The following ERC2 variants were observed in gnomAD, a reference collection of about 807,000 sequenced individuals.
ERC2 encodes the protein ELKS/RAB6-interacting/CAST family member 2, also known as ERC protein 2.
ERC2 carries 42 observed loss-of-function variants against 114.8 expected under a neutral mutation model. The observed-to-expected ratio is 0.37, with a 90% confidence interval of 0.29 to 0.47. The LOEUF is 0.47. Among genes scored for constraint, ERC2 ranks in the 20% least tolerant of loss-of-function variants. The pLI is 0.99. For synonymous variants in ERC2, 454 were observed against 425.5 expected (o/e 1.07, Z -0.82); for missense variants, 939 against 1,150.7 (o/e 0.82, Z 2.66).
intron 3 of ERC2, among the ~76,000 whole-genome samples, chr3:56,210,261 G>A (rs1049815200): frequency 1.6e-4 from 25 of 151,842 alleles, no homozygotes; most frequent in Non-Finnish European, 2.5e-4. Flanking sequence ...TATTATCCAC[G>A]GGAAAAACAA....
chr3:55,870,969 C>T (rs140668136), intron 14 of ERC2, among the ~76,000 whole-genome samples: 134 of 152,250 alleles, frequency 8.8e-4, no homozygotes, highest in African/African-American at 2.9e-3. Flanking sequence ...CCAGCTGTTA[C>T]GGCATTTTGA....
At chr3:55,690,337 A>G (rs2062575039) in intron 16 of ERC2, among the ~76,000 whole-genome samples, 1 of 152,188 alleles carries the variant, frequency 6.6e-6, no homozygotes. Context: ...ATAGAAAAAA[A>G]GAGAGGCAAT....
chr3:56,414,650 G>A (rs770941300), intron 2 of ERC2, among the ~76,000 whole-genome samples: 2 of 151,752 alleles, frequency 1.3e-5, no homozygotes, highest in Non-Finnish European at 2.9e-5. Flanking sequence ...GCTTGAACCT[G>A]GGTGGCGGAG....
intron 13 of ERC2, among the ~76,000 whole-genome samples, chr3:55,906,883 T>C (rs2064487744): frequency 6.6e-6 from 1 of 152,220 alleles, no homozygotes; most frequent in Non-Finnish European, 1.5e-5. Context: ...CTCATTTCTA[T>C]TCAATCAGAG....
intron 12 of ERC2, among the ~76,000 whole-genome samples, chr3:55,974,572 T>C (rs1299130439): frequency 6.6e-6 from 1 of 152,188 alleles, no homozygotes; most frequent in Non-Finnish European, 1.5e-5. Context: ...ATACATCTTT[T>C]CTCTTGGCTG....
At chr3:56,446,571 ACAAGGAAGT>A (rs1194590276) in intron 1 of ERC2, among the ~76,000 whole-genome samples, 2 of 151,664 alleles carry the variant, frequency 1.3e-5, no homozygotes, top group Non-Finnish European at 2.9e-5. Flanking sequence ...TGGAACTAAA[ACAAGGAAGT>A]CAAGGAAGTC....
chr3:55,794,801 C>T (rs541772039), intron 14 of ERC2, among the ~76,000 whole-genome samples: 13 of 152,206 alleles, frequency 8.5e-5, no homozygotes, highest in African/African-American at 2.9e-4. Context: ...TTTTGCAAAA[C>T]TTTGTTAAAC....
chr3:56,224,035 T>G (rs1372933720), intron 3 of ERC2, among the ~76,000 whole-genome samples: 1 of 152,202 alleles, frequency 6.6e-6, no homozygotes, highest in African/African-American at 2.4e-5. Flanking sequence ...TCAATTAGTT[T>G]CACTAAGTAA....
At chr3:55,740,099 A>T (rs959181269) in intron 14 of ERC2, among the ~76,000 whole-genome samples, 3 of 152,176 alleles carry the variant, frequency 2.0e-5, no homozygotes, top group Non-Finnish European at 4.4e-5. Context: ...TCATAATACC[A>T]TAAAAAATCC....
chr3:56,289,650 A>G lies in ERC2; in HGVS notation c.1074+6369T>C, dbSNP rs182112755. On this transcript the variant is annotated intron_variant, in intron 3 of 17. Transcript: ENST00000288221. ...CCTACCTCTGTGATTTGACTCAGTC[A>G]TCTGCTCTCCAATCATGCTTTCCCA... Among the ~76,000 whole-genome samples the G allele has an allele frequency of 3.9e-4, 60 of 152,328 alleles. No homozygotes were observed. In the East Asian group the frequency reaches 0.011, roughly 29 times the overall value.
chr3:55,823,952 G>A (rs1055804385), intron 14 of ERC2, among the ~76,000 whole-genome samples: 5 of 152,168 alleles, frequency 3.3e-5, no homozygotes, highest in African/African-American at 1.2e-4. Context: ...GGTGTCGGCA[G>A]ATTCAGTTTC....
intron 2 of ERC2, among the ~76,000 whole-genome samples, chr3:56,366,922 C>A (rs1304292266): frequency 6.6e-6 from 1 of 152,182 alleles, no homozygotes; most frequent in Non-Finnish European, 1.5e-5. Flanking sequence ...AGAGAACATT[C>A]TCTGGTTTTC....
At chr3:56,152,276 T>A (rs1244417163) in intron 4 of ERC2, among the ~76,000 whole-genome samples, 1 of 152,140 alleles carries the variant, frequency 6.6e-6, no homozygotes, top group African/African-American at 2.4e-5. Context: ...TTACTGCCTC[T>A]AGAAGTCAAT....
chr3:55,958,559 C>A (rs1238237836), intron 12 of ERC2, among the ~76,000 whole-genome samples: 1 of 152,206 alleles, frequency 6.6e-6, no homozygotes, highest in African/African-American at 2.4e-5. Context: ...CATCAACATG[C>A]CATCCACAGT....
chr3:55,910,750 G>C (rs185437915), intron 13 of ERC2, among the ~76,000 whole-genome samples: 1 of 152,332 alleles, frequency 6.6e-6, no homozygotes, highest in East Asian at 1.9e-4. Context: ...GAGACACAAA[G>C]AGGTTAAGCA....
intron 17 of ERC2, among the ~76,000 whole-genome samples, chr3:55,591,199 T>TA (rs1432699685): frequency 7.0e-6 from 1 of 142,182 alleles, no homozygotes; most frequent in Non-Finnish European, 1.6e-5. Flanking sequence ...TTTTTTTTTT[T>TA]AAACAAATTT....
chr3:56,138,638 GAC>G (rs1355234350), intron 6 of ERC2, among the ~76,000 whole-genome samples: 1 of 152,184 alleles, frequency 6.6e-6, no homozygotes, highest in African/African-American at 2.4e-5. Flanking sequence ...TACATGCAAA[GAC>G]ACAGCTCAAA....
chr3:56,010,160 T>C (rs1443781520), intron 9 of ERC2, among the ~76,000 whole-genome samples: 1 of 151,946 alleles, frequency 6.6e-6, no homozygotes, highest in Admixed American at 6.6e-5. Flanking sequence ...CTGTGAAAAA[T>C]ACAGAATCCT....
rs549885356 is a variant in ERC2, at chr3:56,290,359, C to T, written c.1074+5660G>A. ...TGGCAATATCTGAGGTCTGGGAATA[C>T]TGATGGAATGTACTGATCAGGTAAG... On this transcript the variant is annotated intron_variant, in intron 3 of 17. Transcript: ENST00000288221. Among the ~76,000 whole-genome samples the T allele has an allele frequency of 2.0e-5, 3 of 152,254 alleles. No individual in the cohort carries two copies. The East Asian group carries it at 5.8e-4, about 29-fold the overall frequency.
Sources: gnomAD v4.1 joint callset for allele counts (sites outside exome capture counted in the v4.1 genomes callset) on GRCh38, gnomAD v4.1.1 for gene constraint, MANE v1.5 for transcripts, NCBI Gene and HGNC (gene_info 2026-07-23, HGNC 2026-07-21) for gene names.